The following AGBL4 variants were observed in gnomAD, a reference collection of about 807,000 sequenced individuals.
AGBL4 encodes the protein cytosolic carboxypeptidase 6.
In AGBL4, 58 loss-of-function variants were observed where a neutral mutation model predicts 66.4. The observed-to-expected ratio is 0.87, with a 90% CI of 0.71 to 1.09. AGBL4 has a LOEUF of 1.09. AGBL4 is among the 50% of genes least tolerant of loss of function. The pLI, the probability that AGBL4 is intolerant of heterozygous loss-of-function variation, is 0.00. For synonymous variants in AGBL4, 234 were observed against 222.9 expected (o/e 1.05, Z -0.44); for missense variants, 579 against 631.0 (o/e 0.92, Z 0.88).
chr1:49,905,978 TCCTACCC>T (rs1650232600), intron 1 of AGBL4, among the ~76,000 whole-genome samples: 1 of 151,970 alleles, frequency 6.6e-6, no homozygotes, highest in South Asian at 2.1e-4. Context: ...GCTTTCAGAA[TCCTACCC>T]CCTAGGATTT....
chr1:49,555,686 G>GAA (rs1338030275), intron 3 of AGBL4, among the ~76,000 whole-genome samples: 4 of 140,968 alleles, frequency 2.8e-5, no homozygotes, highest in Admixed American at 7.1e-5. Context: ...AAATTTACAA[G>GAA]AAAAAAAAAA....
At chr1:49,602,935 A>T (rs1644989944) in intron 3 of AGBL4, among the ~76,000 whole-genome samples, 1 of 152,180 alleles carries the variant, frequency 6.6e-6, no homozygotes, top group Non-Finnish European at 1.5e-5. Context: ...CACGTCTTGT[A>T]CTGAGTGCTT....
chr1:49,948,412 TAG>T lies in AGBL4; in HGVS notation c.34+75349_34+75350del, dbSNP rs1481947613. On this transcript the variant is annotated intron_variant, in intron 1 of 13. Coordinates refer to ENST00000371839, the MANE Select transcript of AGBL4 (RefSeq NM_032785.4). ...ATAAATATATAAATATATATAAATA[TAG>T]ATAAATATAGATAAATATATAAATA... Among the ~76,000 whole-genome samples the T allele has an allele frequency of 6.3e-5, 7 of 111,440 alleles. No homozygotes were observed. In the South Asian group the frequency reaches 1.9e-3, roughly 30 times the overall value. 73.1% of individuals were successfully genotyped at this position (111,440 alleles called of 152,430 possible). A position where few individuals can be genotyped will look rare whatever the true frequency, so the allele number is the denominator to read the frequency against.
chr1:48,604,096 G>A (rs1299702215), intron 9 of AGBL4, among the ~76,000 whole-genome samples: 4 of 152,076 alleles, frequency 2.6e-5, no homozygotes, highest in East Asian at 3.9e-4. Context: ...TGGCACCACC[G>A]CACTACAGCC....
At chr1:49,061,510 G>A (rs1437210762) in intron 4 of AGBL4, among the ~76,000 whole-genome samples, 1 of 152,142 alleles carries the variant, frequency 6.6e-6, no homozygotes, top group Non-Finnish European at 1.5e-5. Context: ...ACTGACTGAA[G>A]AACGATATGG....
At chr1:49,828,026 T>A (rs560248700) in intron 2 of AGBL4, among the ~76,000 whole-genome samples, 7 of 152,324 alleles carry the variant, frequency 4.6e-5, no homozygotes, top group Non-Finnish European at 7.4e-5. Flanking sequence ...TGTTATAATA[T>A]GTGCATAATT....
chr1:49,827,790 T>C (rs1204713596), intron 2 of AGBL4, among the ~76,000 whole-genome samples: 1 of 152,204 alleles, frequency 6.6e-6, no homozygotes, highest in Non-Finnish European at 1.5e-5. Context: ...ATACAAGTCA[T>C]GCACAGTAGG....
intron 3 of AGBL4, among the ~76,000 whole-genome samples, chr1:49,316,378 A>G (rs1219115115): frequency 6.6e-6 from 1 of 151,960 alleles, no homozygotes; most frequent in Admixed American, 6.6e-5. Flanking sequence ...TAAACAAAAC[A>G]TCTGTAAATT....
At chr1:48,956,736 C>A (rs916969931) in intron 5 of AGBL4, among the ~76,000 whole-genome samples, 1 of 152,124 alleles carries the variant, frequency 6.6e-6, no homozygotes, top group Non-Finnish European at 1.5e-5. Context: ...GAAAATATGG[C>A]CCTTTTCCTC....
In AGBL4 at chr1:49,011,364, T is replaced by C. The variant is rs926188585; in HGVS notation, c.594+34220A>G. ...TCACACCAGTTAGAATGGCAATCATTAAAAAGTCAGGAAACAACAGGTGCT... is the reference window on the plus strand; with the variant it reads ...TCACACCAGTTAGAATGGCAATCATCAAAAAGTCAGGAAACAACAGGTGCT... On this transcript the variant is annotated intron_variant, in intron 5 of 13. Coordinates refer to ENST00000371839, the MANE Select transcript of AGBL4 (RefSeq NM_032785.4). 5.9e-5 allele frequency among the ~76,000 whole-genome samples: 9 copies of C among 151,720 alleles called. No individual in the cohort carries two copies. In the South Asian group the frequency reaches 8.3e-4, roughly 14 times the overall value.
At chr1:49,778,465 G>A (rs1170617881) in intron 2 of AGBL4, among the ~76,000 whole-genome samples, 2 of 152,170 alleles carry the variant, frequency 1.3e-5, no homozygotes, top group African/African-American at 4.8e-5. Flanking sequence ...TTGGAAGAAA[G>A]CATGGAGAAT....
At chr1:49,935,651 C>T (rs553603899) in intron 1 of AGBL4, among the ~76,000 whole-genome samples, 70 of 152,300 alleles carry the variant, frequency 4.6e-4, no homozygotes, top group Non-Finnish European at 9.1e-4. Context: ...TCCACAGGAA[C>T]TATCAGACAG....
intron 8 of AGBL4, among the ~76,000 whole-genome samples, chr1:48,636,828 C>G (rs1645675631): frequency 6.6e-6 from 1 of 152,186 alleles, no homozygotes; most frequent in Non-Finnish European, 1.5e-5. Flanking sequence ...CTATGCTCTT[C>G]TAGGGAACAA....
chr1:49,637,707 TAC>T (rs1437317282), intron 3 of AGBL4, among the ~76,000 whole-genome samples: 13 of 152,118 alleles, frequency 8.5e-5, no homozygotes, highest in African/African-American at 3.1e-4. Context: ...ATTTATCTGT[TAC>T]ACAGACTGAA....
chr1:49,885,031 T>G (rs1176428227), intron 1 of AGBL4, among the ~76,000 whole-genome samples: 1 of 152,018 alleles, frequency 6.6e-6, no homozygotes, highest in Non-Finnish European at 1.5e-5. Context: ...TGTTTCATTT[T>G]TACATTGAAA....
chr1:49,731,246 C>T (rs929978840), intron 2 of AGBL4, among the ~76,000 whole-genome samples: 1 of 152,178 alleles, frequency 6.6e-6, no homozygotes, highest in Non-Finnish European at 1.5e-5. Context: ...TCTCCATCAA[C>T]CCCAGTATGG....
At chr1:48,621,869 G>A (rs320032) in intron 9 of AGBL4, among the ~76,000 whole-genome samples, 72,084 of 151,306 alleles carry the variant, frequency 0.48, 19,198 homozygotes, top group Middle Eastern at 0.65. Flanking sequence ...TTTTTTTGAA[G>A]TCTAGGTTTC....
intron 1 of AGBL4, among the ~76,000 whole-genome samples, chr1:49,856,093 A>G (rs1174730085): frequency 1.3e-5 from 2 of 152,092 alleles, no homozygotes; most frequent in East Asian, 3.8e-4. Flanking sequence ...AAGGACCACT[A>G]GAGACTATTA....
At chr1:48,613,870 G>A (rs147975773) in intron 9 of AGBL4, among the ~76,000 whole-genome samples, 93 of 152,312 alleles carry the variant, frequency 6.1e-4, no homozygotes, top group African/African-American at 2.1e-3. Flanking sequence ...GCACAGTTTC[G>A]TGCAGAAATG....
Sources: gnomAD v4.1 joint callset for allele counts (sites outside exome capture counted in the v4.1 genomes callset) on GRCh38, gnomAD v4.1.1 for gene constraint, MANE v1.5 for transcripts, NCBI Gene and HGNC (gene_info 2026-07-23, HGNC 2026-07-21) for gene names.